Variants in RNF144A observed in about 807,000 individuals in gnomAD.
The protein encoded by RNF144A is E3 ubiquitin-protein ligase RNF144A.
RNF144A carries 11 observed loss-of-function variants against 38.7 expected under a neutral mutation model. The ratio of observed to expected loss-of-function variants is 0.28; its 90% CI spans 0.18 to 0.47. The LOEUF (loss-of-function observed/expected upper bound fraction) is 0.47, where lower values mean the gene tolerates loss of function less well. Among genes scored for constraint, RNF144A ranks in the 20% least tolerant of loss-of-function variants. RNF144A has a pLI of 0.99. For synonymous variants in RNF144A, 149 were observed against 143.9 expected (o/e 1.04, Z -0.25); for missense variants, 316 against 377.2 (o/e 0.84, Z 1.34).
chr2:7,025,087 C>T (rs568403576), intron 7 of RNF144A, among the ~76,000 whole-genome samples: 1 of 152,174 alleles, frequency 6.6e-6, no homozygotes, highest in African/African-American at 2.4e-5. Flanking sequence ...GCCCTTTGCT[C>T]TCTGGCAGAA....
chr2:6,953,152 C>A (rs115611835), intron 2 of RNF144A, among the ~76,000 whole-genome samples: 1 of 152,046 alleles, frequency 6.6e-6, no homozygotes, highest in Admixed American at 6.5e-5. Context: ...CAGGGCTGGA[C>A]GCAGTGGCTC....
chr2:6,960,342 A>C (rs562679541), intron 2 of RNF144A, among the ~76,000 whole-genome samples: 1 of 152,130 alleles, frequency 6.6e-6, no homozygotes, highest in Non-Finnish European at 1.5e-5. Context: ...CCTATTTTTT[A>C]AAAAATGAGC....
rs756316410 is a variant in RNF144A at position 7,039,739 on chromosome 2, C to G, written c.858C>G (p.Asp286Glu). The change falls in exon 9 of 9, where the codon GAC becomes GAG. Residue 286 changes from aspartate to glutamate, a missense_variant. Transcript: ENST00000320892. Reference sequence around the variant, plus strand: ...GCAAGTGCAAGTGCAGTAAAGGTGACGACGACCCGTTACCCACCTAGAGGA... The same window carrying G: ...GCAAGTGCAAGTGCAGTAAAGGTGAGGACGACCCGTTACCCACCTAGAGGA... ...LCCKCKCSKGDDDPLPT is the reference protein window; with the variant it reads ...LCCKCKCSKGEDDPLPT 6.2e-7 allele frequency: 1 copy of G among 1,613,566 alleles called. No homozygotes were observed.
Position 7,043,058 on chromosome 2 carries a change from G to C in RNF144A, c.*3298G>C, listed in dbSNP as rs1444291458. On this transcript the variant is annotated 3_prime_UTR_variant, in exon 9 of 9. Coordinates refer to ENST00000320892, the MANE Select transcript of RNF144A (RefSeq NM_014746.6). ...AATTTTTGTATTTTCAGTAGAGACG[G>C]GGTTTCACCATGTTGGCCAGGCTAC... 1 of 519,506 alleles carries C rather than the reference G, an allele frequency of 1.9e-6. No individual in the cohort carries two copies. The highest frequency in any genetic ancestry group is 2.1e-5 in the African/African-American group (1 of 48,032). The allele number at this position is 519,506 out of a possible 1,614,324, so 32.2% of individuals were successfully genotyped here. A position where few individuals can be genotyped will look rare whatever the true frequency, so the allele number is the denominator to read the frequency against.
chr2:7,066,758 C>T (rs115200787), intron 6 of RNF144A, among the ~76,000 whole-genome samples: 65 of 152,254 alleles, frequency 4.3e-4, no homozygotes, highest in Non-Finnish European at 7.4e-4. Context: ...AGTTTTCTTC[C>T]GGGTGAATAA....
chr2:7,041,437 A>C lies in RNF144A; in HGVS notation c.*1677A>C, dbSNP rs945879565. The C allele has an allele frequency of 4.1e-6, 4 of 985,784 alleles. No individual in the cohort carries two copies. The African/African-American group carries it at 5.2e-5, about 13-fold the overall frequency. 61.1% of individuals were successfully genotyped at this position (985,784 alleles called of 1,614,324 possible). The stretch of plus-strand genomic sequence containing the variant: ...CCATTTAGAAAATCCCTGTGTGTCA[A>C]AATTACATTCAAAAAGCTCTCCTTG... On this transcript the variant is annotated 3_prime_UTR_variant, in exon 9 of 9. Coordinates refer to ENST00000320892, the MANE Select transcript of RNF144A (RefSeq NM_014746.6).
At chr2:7,064,362 A>T (rs1199719629) in intron 6 of RNF144A, among the ~76,000 whole-genome samples, 9 of 152,204 alleles carry the variant, frequency 5.9e-5, no homozygotes, top group Non-Finnish European at 4.4e-5. Flanking sequence ...ACTTATTTTT[A>T]AAAAAATAAG....
chr2:6,972,865 C>G (rs1051726388), intron 2 of RNF144A, among the ~76,000 whole-genome samples: 1 of 152,178 alleles, frequency 6.6e-6, no homozygotes, highest in Non-Finnish European at 1.5e-5. Flanking sequence ...TGCATGCCCT[C>G]TAACAGTGGG....
At chr2:6,953,666 G>A (rs1463293981) in intron 2 of RNF144A, among the ~76,000 whole-genome samples, 2 of 152,138 alleles carry the variant, frequency 1.3e-5, no homozygotes, top group African/African-American at 2.4e-5. Context: ...TTATGTCCCA[G>A]TATAATGTCA....
intron 2 of RNF144A, among the ~76,000 whole-genome samples, chr2:6,989,759 C>A (rs929692942): frequency 8.5e-5 from 13 of 152,136 alleles, no homozygotes; most frequent in Non-Finnish European, 1.5e-4. Context: ...CTCCTCTGCT[C>A]TCCCAGCCGC....
At chr2:7,075,126 A>G in the RNF144A span, among the ~76,000 whole-genome samples, 1 of 152,190 alleles carries the variant, frequency 6.6e-6, no homozygotes, top group African/African-American at 2.4e-5. Flanking sequence ...CCTCTGCTCC[A>G]TGACATCTGC....
intron 2 of RNF144A, among the ~76,000 whole-genome samples, chr2:6,991,190 A>T (rs539839036): frequency 6.6e-5 from 10 of 152,188 alleles, no homozygotes; most frequent in African/African-American, 2.2e-4. Context: ...TAGCTGGGAA[A>T]CTAGGAGTGT....
At chr2:7,049,106 C>A (rs1673419309), downstream of RNF144A, among the ~76,000 whole-genome samples, 1 of 152,282 alleles carries the variant, frequency 6.6e-6, no homozygotes, top group South Asian at 2.1e-4. Context: ...GAAGGCAGGG[C>A]CTGGGGAGGC....
chr2:7,025,988 C>CCATG (rs2103438198), intron 7 of RNF144A, among the ~76,000 whole-genome samples: 1 of 152,264 alleles, frequency 6.6e-6, no homozygotes, highest in Non-Finnish European at 1.5e-5. Flanking sequence ...ACCATTCATA[C>CCATG]CATGGGGCTA....
intron 1 of RNF144A, among the ~76,000 whole-genome samples, chr2:6,935,249 A>G (rs1665495144): frequency 6.6e-6 from 1 of 152,150 alleles, no homozygotes; most frequent in African/African-American, 2.4e-5. Flanking sequence ...CCATTTCAAA[A>G]CTAGATCCCT....
chr2:6,989,271 A>T (rs1435732464), intron 2 of RNF144A, among the ~76,000 whole-genome samples: 1 of 150,988 alleles, frequency 6.6e-6, no homozygotes, highest in African/African-American at 2.4e-5. Context: ...GATGAGGCCA[A>T]CTCTATTCCA....
chr2:6,961,224 A>G (rs1359997833), intron 2 of RNF144A, among the ~76,000 whole-genome samples: 1 of 152,150 alleles, frequency 6.6e-6, no homozygotes, highest in African/African-American at 2.4e-5. Context: ...ACTGCATCAC[A>G]GAAAGGTCTA....
At chr2:6,932,658 A>G (rs1423699873) in intron 1 of RNF144A, among the ~76,000 whole-genome samples, 2 of 152,308 alleles carry the variant, frequency 1.3e-5, no homozygotes, top group South Asian at 2.1e-4. Context: ...AGATAAATCA[A>G]TTGGTTCTTT....
At chr2:6,922,244 C>A (rs1664582246) in intron 1 of RNF144A, among the ~76,000 whole-genome samples, 1 of 101,406 alleles carries the variant, frequency 9.9e-6, no homozygotes, top group Non-Finnish European at 2.3e-5. Flanking sequence ...TTGACTGGGG[C>A]CAGCGAACTA....
Sources: allele counts gnomAD v4.1 joint callset (sites outside exome capture counted in the v4.1 genomes callset), GRCh38; gene constraint gnomAD v4.1.1; transcripts MANE v1.5; gene names NCBI Gene and HGNC (gene_info 2026-07-23, HGNC 2026-07-21).